NAA10: variants seen among roughly 807,000 people sequenced by gnomAD.
The protein encoded by NAA10 is N-alpha-acetyltransferase 10, NatA catalytic subunit.
A neutral mutation model predicts 19.2 loss-of-function variants in NAA10; 6 were observed. The observed-to-expected ratio is 0.31, with a 90% CI of 0.17 to 0.62. The LOEUF (loss-of-function observed/expected upper bound fraction) is 0.62. NAA10 is among the 20% of genes least tolerant of loss of function. The pLI is 0.83. For missense variants in NAA10, 101 were observed against 198.4 expected (o/e 0.51, Z 2.95); for synonymous variants, 97 against 79.9 (o/e 1.21, Z -1.14).
intron 7 of NAA10, 47 bp downstream of exon 7, chrX:153,930,716 T>C (rs1557107253): frequency 8.5e-7 from 1 of 1,181,314 alleles, no homozygotes; most frequent in East Asian, 3.0e-5. Context: ...TTGGGGCTCC[T>C]GAGTGCCGCC....
At chrX:153,934,352 A>G (rs782646116) in intron 2 of NAA10, 25 bp downstream of exon 2, 6 of 1,140,776 alleles carry the variant, frequency 5.3e-6, no homozygotes, top group Non-Finnish European at 7.1e-6. Flanking sequence ...GCTTTCCCCC[A>G]TGCCCAAATT....
chrX:153,930,082 T>C lies in NAA10; in HGVS notation c.613A>G (p.Ser205Gly). The change falls in exon 8 of 8, where the codon AGT becomes GGT. Residue 205 changes from serine to glycine, a missense_variant. This residue lies in a region of NAA10 where 58 missense variants were observed against 75.8 expected (regional missense o/e 0.77). Transcript: ENST00000464845. ...CTGAGGTCCTTGCTGTCCCCACCAC[T>C]ATCCTCGGCAGCCAGGCCCTTCTCC... The part of the protein sequence containing the change: ...REEKGLAAED[S>G]GGDSKDLSEV... The C allele has an allele frequency of 8.3e-7, 1 of 1,210,716 alleles. No individual in the cohort carries two copies. Among genetic ancestry groups the C allele is most frequent in the African/African-American group, 1.7e-5 (1 of 57,467 alleles).
At chrX:153,931,866 C>T in intron 6 of NAA10, 1 of 1,115,775 alleles carries the variant, frequency 9.0e-7, no homozygotes. Context: ...CACGTTTCAG[C>T]AGGCAGGTGC....
intron 4 of NAA10, 21 bp downstream of exon 4, chrX:153,932,518 G>A (rs1159582781): frequency 8.3e-7 from 1 of 1,202,755 alleles, no homozygotes; most frequent in East Asian, 3.0e-5. Flanking sequence ...CCACCAGAGA[G>A]CCTGGGTGGA....
chrX:153,931,757 C>T (rs1038012311), intron 6 of NAA10: 1 of 1,022,823 alleles, frequency 9.8e-7, no homozygotes, highest in Non-Finnish European at 1.2e-6. Flanking sequence ...ACGCCAGGGA[C>T]CCACACCTCT....
chrX:153,931,289 G>A, intron 6 of NAA10: 1 of 888,636 alleles, frequency 1.1e-6, no homozygotes, highest in Non-Finnish European at 1.4e-6. Context: ...GTCCCTGGAA[G>A]GGGAGCTGGA....
intron 6 of NAA10, chrX:153,931,858 C>T (rs1459731491): frequency 2.8e-5 from 31 of 1,111,636 alleles, no homozygotes; most frequent in African/African-American, 1.1e-4. Flanking sequence ...ACATGGAGCA[C>T]GTTTCAGCAG....
chrX:153,934,050 A>T lies in NAA10; in HGVS notation c.121-49T>A, dbSNP rs201668934. ...GAAAACTTCTTGTCGGAGCTAGAAG[A>T]GCCCTTTAGAGGGACACAAACTGGA... On this transcript the variant is annotated intron_variant, in intron 2 of 7. Transcript: ENST00000464845. The T allele has an allele frequency of 5.9e-5, 65 of 1,093,216 alleles. No individual in the cohort carries two copies. In the East Asian group the frequency reaches 1.8e-3, roughly 31 times the overall value. 90.1% of individuals were successfully genotyped at this position (1,093,216 alleles called of 1,213,427 possible).
At position 153,931,906 on chromosome X, in the gene NAA10, C is replaced by T. The variant is rs1315906746; in HGVS notation, c.386+165G>A. ...TCCATGCCGGCTTTTCAACCATCAGCCGCCGAGTGAATGTGGAGGTATCCT... is the reference window on the plus strand; with the variant it reads ...TCCATGCCGGCTTTTCAACCATCAGTCGCCGAGTGAATGTGGAGGTATCCT... On this transcript the variant is annotated intron_variant, in intron 6 of 7. Coordinates refer to ENST00000464845, the MANE Select transcript of NAA10 (RefSeq NM_003491.4). 3.5e-6 allele frequency: 4 copies of T among 1,152,464 alleles called. No homozygotes were observed. The Admixed American group carries it at 7.7e-5, about 22-fold the overall frequency. The allele number at this position is 1,152,464 out of a possible 1,213,427, so 95.0% of individuals were successfully genotyped here. A position where few individuals can be genotyped will look rare whatever the true frequency, so the allele number is the denominator to read the frequency against.
chrX:153,930,516 C>T, intron 7 of NAA10: 1 of 454,761 alleles, frequency 2.2e-6, no homozygotes, highest in South Asian at 3.2e-5. Context: ...AGCAGGCAGG[C>T]CACCCACTGG....
chrX:153,930,624 C>G (rs1557107243), intron 7 of NAA10, 139 bp downstream of exon 7: 2 of 634,095 alleles, frequency 3.2e-6, no homozygotes, highest in Non-Finnish European at 5.1e-6. Context: ...TAAAGCCCAG[C>G]CTAGGAAACT....
chrX:153,929,997 G>A lies in NAA10; in HGVS notation c.698C>T (p.Ser233Leu). 8.3e-7 allele frequency: 1 copy of A among 1,209,066 alleles called. No individual in the cohort carries two copies. Among genetic ancestry groups the A allele is most frequent in the Non-Finnish European group, 1.1e-6 (1 of 893,364 alleles). Residue 233 changes from serine (S) to leucine (L), a missense_variant, in exon 8 of 8, where the codon TCA becomes TTA. By Grantham distance (145) the Ser-to-Leu change is moderately radical (BLOSUM62 -2). Coordinates refer to ENST00000464845, the MANE Select transcript of NAA10 (RefSeq NM_003491.4). ...DVKDSSEASD[S>L]AS ...GGGATGGGGCAGGCTCTAGGAGGCT[G>A]AGTCGGAGGCCTCTGAGCTGTCCTT... is the stretch of plus-strand genomic sequence containing the variant.
intron 3 of NAA10, chrX:153,932,865 AAC>A: frequency 2.7e-6 from 1 of 377,320 alleles, no homozygotes; most frequent in East Asian, 4.4e-5. Flanking sequence ...CAGCCTGGAC[AAC>A]ACTTTTTTTT....
At position 153,934,227 on chromosome X, in the gene NAA10, T is replaced by C. The variant is rs782329557; in HGVS notation, c.120+150A>G. The C allele has an allele frequency of 1.4e-5, 8 of 585,819 alleles. No individual in the cohort carries two copies. The African/African-American group carries it at 1.8e-4, about 13-fold the overall frequency. 48.3% of individuals were successfully genotyped at this position (585,819 alleles called of 1,213,427 possible). ...CTCCCTTCGGGCGCCTTCTTTTCCTTTGCCCCTGTCTGCCAGCTGAAAACA... is the reference window on the plus strand; with the variant it reads ...CTCCCTTCGGGCGCCTTCTTTTCCTCTGCCCCTGTCTGCCAGCTGAAAACA... On this transcript the variant is annotated intron_variant, in intron 2 of 7. Coordinates refer to ENST00000464845, the MANE Select transcript of NAA10 (RefSeq NM_003491.4).
chrX:153,931,045 G>A (rs1348509472), intron 6 of NAA10, 198 bp from the exon 7 acceptor site: 39 of 1,142,674 alleles, frequency 3.4e-5, no homozygotes, highest in African/African-American at 1.6e-4. Context: ...CGCCCCACCC[G>A]TCCTGCCCCC....
At position 153,932,394 on chromosome X, in the gene NAA10, T is replaced by C; in HGVS notation, c.263A>G (p.Gln88Arg). The change falls in exon 5 of 8, where the codon CAG becomes CGG. Residue 88 changes from glutamine (Q) to arginine (R), a missense_variant. Around this residue, in one of 2 missense-constraint regions of NAA10, gnomAD observed 43 missense variants for 122.6 expected, o/e 0.35. Coordinates refer to ENST00000464845, the MANE Select transcript of NAA10 (RefSeq NM_003491.4). ...KRSHRRLGLA[Q>R]KLMDQASRAM... is the part of the protein sequence containing the mutation. ...TCGAGAGGCCTGGTCCATCAGTTTC[T>C]GAGCCAGACCGAGGCGCCGGTGGGA... 8 of 1,212,091 alleles carry C rather than the reference T, an allele frequency of 6.6e-6. No homozygotes were observed. Among genetic ancestry groups the C allele is most frequent in the Non-Finnish European group, 8.9e-6 (8 of 895,502 alleles).
At chrX:153,934,794 G>C in intron 1 of NAA10, 90 bp downstream of exon 1, 1 of 894,202 alleles carries the variant, frequency 1.1e-6, no homozygotes, top group African/African-American at 2.1e-5. Context: ...CCACCGGGCC[G>C]GGCTCGGCCG....
At chrX:153,933,487 G>A (rs2065178593) in intron 3 of NAA10, among the ~76,000 whole-genome samples, 1 of 111,738 alleles carries the variant, frequency 8.9e-6, no homozygotes, top group African/African-American at 3.2e-5. Context: ...CCTGGCCAAC[G>A]TAGTGAAACC....
intron 5 of NAA10, 42 bp from the exon 6 acceptor site, chrX:153,932,157 C>G (rs367695825): frequency 3.3e-6 from 4 of 1,208,680 alleles, no homozygotes; most frequent in Non-Finnish European, 4.5e-6. Context: ...CGGATTTGGC[C>G]AGGGAGGGGT....
Sources: gnomAD v4.1 joint callset for allele counts (sites outside exome capture counted in the v4.1 genomes callset) on GRCh38, gnomAD v4.1.1 for gene constraint, gnomAD v4.1.1 regional missense constraint, MANE v1.5 for transcripts, NCBI Gene and HGNC (gene_info 2026-07-23, HGNC 2026-07-21) for gene names.